Variants in FCRLA observed in about 807,000 individuals in gnomAD.
FCRLA encodes the protein Fc receptor like A, also known as Fc receptor-like A.
In FCRLA, 26 loss-of-function variants were observed where a neutral mutation model predicts 28.4. The observed-to-expected ratio is 0.91, with a 90% confidence interval of 0.67 to 1.27. The LOEUF is 1.27. Among genes scored for constraint, FCRLA ranks in the 50% most tolerant of loss-of-function variants. The pLI is 0.00. For synonymous variants in FCRLA, 174 were observed against 168.5 expected (o/e 1.03, Z -0.25); for missense variants, 422 against 433.1 (o/e 0.97, Z 0.23).
chr1:161,710,156 G>T, intron 1 of FCRLA: 1 of 381,946 alleles, frequency 2.6e-6, no homozygotes, highest in Non-Finnish European at 4.9e-6. Flanking sequence ...GACTGAAGTA[G>T]ACCATATTTG....
intron 1 of FCRLA, 114 bp from the exon 2 acceptor site, chr1:161,710,646 C>A: frequency 2.1e-6 from 3 of 1,454,138 alleles, no homozygotes; most frequent in Non-Finnish European, 2.9e-6. Context: ...GTTTTGATGT[C>A]TTACTAGTCT....
At chr1:161,708,826 A>C (rs1682958908) in intron 1 of FCRLA, among the ~76,000 whole-genome samples, 3 of 152,042 alleles carry the variant, frequency 2.0e-5, no homozygotes, top group Admixed American at 2.0e-4. Flanking sequence ...CATTTTTCTT[A>C]TTATAATATT....
Position 161,713,369 on chromosome 1 carries a change from A to G in FCRLA, c.1069A>G (p.Thr357Ala), listed in dbSNP as rs1683209562. Residue 357 changes from threonine (T) to alanine (A), a missense_variant, in exon 5 of 5, where the codon ACT becomes GCT. Thr to Ala is a moderately conservative substitution (Grantham distance 58, BLOSUM62 0). This residue lies in a region of FCRLA where 185 missense variants were observed against 198.1 expected (regional missense o/e 0.93). Transcript: ENST00000236938. Reference sequence around the variant, plus strand: ...CCGGAAGCCTGGGACCACAAAGGCTACTGCTGAATAGAAGTAAACAGTTCA... The same window carrying G: ...CCGGAAGCCTGGGACCACAAAGGCTGCTGCTGAATAGAAGTAAACAGTTCA... ...GHRKPGTTKA[T>A]AE The G allele has an allele frequency of 6.2e-7, 1 of 1,613,236 alleles. No homozygotes were observed. Among genetic ancestry groups the G allele is most frequent in the Non-Finnish European group, 8.5e-7 (1 of 1,179,442 alleles).
rs763877414 is a variant in FCRLA, at chr1:161,711,422, C to T, written c.447C>T (p.Ser149=). ...GHYHCSGIFQ[S]PGPGIPETAS... is the part of the protein sequence containing the mutation. ...ACCACTGCAGTGGCATCTTCCAGAG[C>T]CCTGGTCCTGGGATCCCAGAAACAG... Residue 149 remains serine, a synonymous_variant, in exon 3 of 5, where the codon AGC becomes AGT. Transcript: ENST00000236938. The T allele has an allele frequency of 3.1e-6, 5 of 1,614,180 alleles. No homozygotes were observed. Among genetic ancestry groups the T allele is most frequent in the Non-Finnish European group, 4.2e-6 (5 of 1,180,010 alleles).
rs751918714 is a variant in FCRLA at position 161,711,351 on chromosome 1, A to G, written c.376A>G (p.Arg126Gly). Residue 126 changes from arginine (R) to glycine (G), a missense_variant, in exon 3 of 5, where the codon AGG (arginine) becomes GGG (glycine). This residue lies in a region of FCRLA where 231 missense variants were observed against 214.6 expected (regional missense o/e 1.08). Transcript: ENST00000236938. The stretch of plus-strand genomic sequence containing the variant: ...AGCTCTGGGTCCCCCCGGGCCTAAC[A>G]GGGAATTCTCCATCACCGTGGTACA... ...GSALGPPGPN[R>G]EFSITVVQKA... The G allele has an allele frequency of 6.2e-7, 1 of 1,614,198 alleles. No individual in the cohort carries two copies. Among genetic ancestry groups the G allele is most frequent in the South Asian group, 1.1e-5 (1 of 91,072 alleles).
Position 161,713,193 on chromosome 1 carries a change from C to A in FCRLA, c.893C>A (p.Thr298Asn), listed in dbSNP as rs201424455. ...CCTGGGCCTCTGCCTCCGCCGCCAA[C>A]CCCATCTTCTGAGGATCCAGGCTTT... ...EAPGPLPPPP[T>N]PSSEDPGFSS... Residue 298 changes from threonine to asparagine, a missense_variant, in exon 5 of 5, where the codon ACC (threonine) becomes AAC (asparagine). Thr to Asn is a moderately conservative substitution (Grantham distance 65). This residue lies in a region of FCRLA where 185 missense variants were observed against 198.1 expected (regional missense o/e 0.93). Transcript: ENST00000236938. 2.5e-6 allele frequency: 4 copies of A among 1,614,238 alleles called. No individual in the cohort carries two copies. Among genetic ancestry groups the A allele is most frequent in the African/African-American group, 2.7e-5 (2 of 75,062 alleles).
chr1:161,707,744 G>T (rs555955338), intron 1 of FCRLA, among the ~76,000 whole-genome samples: 1 of 152,268 alleles, frequency 6.6e-6, no homozygotes, highest in East Asian at 1.9e-4. Context: ...CTGGGTTATG[G>T]CATGCTTTTC....
In FCRLA at chr1:161,710,769, T is replaced by C. The variant is rs1449755299; in HGVS notation, c.89T>C (p.Phe30Ser). ...WVAQMLLAAS[F>S]ETLQCEGPVC... is the part of the protein sequence containing the mutation. Reference sequence around the variant, plus strand: ...GCCATGCCCTCTTCAGCTGCCAGTTTTGAGACGCTGCAGTGTGAGGGACCT... The same window carrying C: ...GCCATGCCCTCTTCAGCTGCCAGTTCTGAGACGCTGCAGTGTGAGGGACCT... Residue 30 changes from phenylalanine to serine, a missense_variant, in exon 2 of 5, where the codon TTT (phenylalanine) becomes TCT (serine). Physicochemically the swap from Phe to Ser is radical, Grantham distance 155. This residue lies in a region of FCRLA where 231 missense variants were observed against 214.6 expected (regional missense o/e 1.08). Transcript: ENST00000236938. The C allele has an allele frequency of 6.2e-7, 1 of 1,614,150 alleles. No homozygotes were observed. The highest frequency in any genetic ancestry group is 2.2e-5 in the East Asian group (1 of 44,882).
chr1:161,707,713 G>A (rs1213007859), intron 1 of FCRLA, among the ~76,000 whole-genome samples: 1 of 152,114 alleles, frequency 6.6e-6, no homozygotes, highest in African/African-American at 2.4e-5. Flanking sequence ...TTTGTCTAGG[G>A]CACAACGATC....
rs149584309 is a variant in FCRLA at position 161,710,823 on chromosome 1, C to T, written c.143C>T (p.Thr48Met). ...TGCACTGAGGAGAGCAGCTGCCACA[C>T]GGAGGATGACTTGACTGATGCAAGG... Reference protein sequence around the residue: ...PVCTEESSCHTEDDLTDAREA... With the variant: ...PVCTEESSCHMEDDLTDAREA... Residue 48 changes from threonine (T) to methionine (M), a missense_variant, in exon 2 of 5, where the codon ACG becomes ATG. By Grantham distance (81) the Thr-to-Met change is moderately conservative. Transcript: ENST00000236938. 58 of 1,613,918 alleles carry T rather than the reference C, an allele frequency of 3.6e-5. No homozygotes were observed. Among genetic ancestry groups the T allele is most frequent in the South Asian group, 7.7e-5 (7 of 91,078 alleles).
intron 1 of FCRLA, 106 bp from the exon 2 acceptor site, chr1:161,710,654 T>C: frequency 1.3e-6 from 2 of 1,488,760 alleles, no homozygotes; most frequent in Non-Finnish European, 1.9e-6. Context: ...GTCTTACTAG[T>C]CTCATTCTAA....
intron 1 of FCRLA, 67 bp from the exon 2 acceptor site, chr1:161,710,693 A>T: frequency 6.3e-7 from 1 of 1,595,114 alleles, no homozygotes; most frequent in Non-Finnish European, 8.6e-7. Flanking sequence ...GAGATGGAGG[A>T]ACCCTGTCCT....
chr1:161,711,172 C>T, intron 2 of FCRLA, 36 bp from the exon 3 acceptor site: 1 of 1,583,508 alleles, frequency 6.3e-7, no homozygotes, highest in East Asian at 2.2e-5. Context: ...CCAAGGGAGG[C>T]CCTGGGTGAC....
chr1:161,711,507 G>A, intron 3 of FCRLA, 33 bp downstream of exon 3: 1 of 1,583,674 alleles, frequency 6.3e-7, no homozygotes, highest in South Asian at 1.2e-5. Flanking sequence ...TCATGGCAGG[G>A]GAGGGTAAGG....
Position 161,713,801 on chromosome 1 carries a change from A to G in FCRLA, c.*421A>G, listed in dbSNP as rs1323196139. 6.2e-6 allele frequency: 1 copy of G among 161,732 alleles called. No individual in the cohort carries two copies. Among genetic ancestry groups the G allele is most frequent in the Non-Finnish European group, 1.3e-5 (1 of 74,538 alleles). 10.0% of individuals were successfully genotyped at this position (161,732 alleles called of 1,614,324 possible). ...GATGTGTGTGCTACTGGCATCCAGT[A>G]AATAGAAGCCAGGGGTGCCGCTAAA... On this transcript the variant is annotated 3_prime_UTR_variant, in exon 5 of 5. Transcript: ENST00000236938.
At chr1:161,710,622 C>T (rs981492978) in intron 1 of FCRLA, 138 bp from the exon 2 acceptor site, 37 of 1,376,816 alleles carry the variant, frequency 2.7e-5, no homozygotes, top group Middle Eastern at 1.8e-4. Context: ...GGGGTCTTTC[C>T]GAAAAAAAAA....
Position 161,713,597 on chromosome 1 carries a change from C to T in FCRLA, c.*217C>T. ...TCTCTCTTAACACAACAGAATTCTG[C>T]TGTCTAGATCAGGAATTTCTATCTG... On this transcript the variant is annotated 3_prime_UTR_variant, in exon 5 of 5. Coordinates refer to ENST00000236938, the MANE Select transcript of FCRLA (RefSeq NM_032738.4). 2.1e-6 allele frequency: 1 copy of T among 483,434 alleles called. No individual in the cohort carries two copies. The highest frequency in any genetic ancestry group is 3.0e-5 in the South Asian group (1 of 33,062). 29.9% of individuals were successfully genotyped at this position (483,434 alleles called of 1,614,324 possible).
At chr1:161,708,507 T>G (rs1349687171) in intron 1 of FCRLA, among the ~76,000 whole-genome samples, 1 of 152,220 alleles carries the variant, frequency 6.6e-6, no homozygotes, top group East Asian at 1.9e-4. Flanking sequence ...AACTCAAGTT[T>G]ACCAGCCCAA....
rs1683082071 is a variant in FCRLA at position 161,711,209 on chromosome 1, C to T, written c.234C>T (p.Asp78=). 2.5e-6 allele frequency: 4 copies of T among 1,611,270 alleles called. No homozygotes were observed. Among genetic ancestry groups the T allele is most frequent in the Admixed American group, 3.3e-5 (2 of 59,870 alleles). Residue 78 remains aspartate (D), a splice_region_variant and synonymous_variant, in exon 3 of 5, where the codon GAC becomes GAT. Coordinates refer to ENST00000236938, the MANE Select transcript of FCRLA (RefSeq NM_032738.4). ...CTCAGCTCTTTCTCTGGACCATAGA[C>T]TGGCTGATCCTCCAAGGTCCAGCCA... ...SEPFHLIVSY[D]WLILQGPAKP...
Sources: allele counts gnomAD v4.1 joint callset (sites outside exome capture counted in the v4.1 genomes callset), GRCh38; gene constraint gnomAD v4.1.1; regional missense constraint gnomAD v4.1.1; transcripts MANE v1.5; gene names NCBI Gene and HGNC (gene_info 2026-07-23, HGNC 2026-07-21).